The following PBX3 variants were observed in gnomAD, a reference collection of about 807,000 sequenced individuals.
PBX3 encodes the protein pre-B-cell leukemia transcription factor 3.
Under a neutral mutation model 48.5 loss-of-function variants are expected in PBX3, and 14 were observed. That is an observed-to-expected ratio of 0.29 (90% confidence interval 0.19 to 0.45). The LOEUF is 0.45. Among genes scored for constraint, PBX3 ranks in the 20% least tolerant of loss-of-function variants. The pLI, the probability that PBX3 is intolerant of heterozygous loss-of-function variation, is 1.00. For synonymous variants in PBX3, 210 were observed against 200.3 expected, an observed-to-expected ratio of 1.05 and a Z score of -0.41; for missense variants, 386 against 546.7, an observed-to-expected ratio of 0.71 and a Z score of 2.93.
chr9:125,924,625 T>C (rs1841531085), intron 3 of PBX3, among the ~76,000 whole-genome samples: 1 of 152,242 alleles, frequency 6.6e-6, no homozygotes, highest in Admixed American at 6.5e-5. Flanking sequence ...CATGCGTTGA[T>C]AATTTGGAAA....
chr9:125,927,675 T>G (rs1030022369), intron 3 of PBX3, among the ~76,000 whole-genome samples: 1 of 152,214 alleles, frequency 6.6e-6, no homozygotes, highest in Non-Finnish European at 1.5e-5. Context: ...GAGTATAAAC[T>G]GATGCTTTAT....
chr9:125,855,193 A>G (rs1439040687), intron 2 of PBX3, among the ~76,000 whole-genome samples: 1 of 152,224 alleles, frequency 6.6e-6, no homozygotes, highest in Non-Finnish European at 1.5e-5. Context: ...AAACAAAACT[A>G]AGCAGAATGG....
chr9:125,951,286 A>T (rs888236566), intron 5 of PBX3, among the ~76,000 whole-genome samples: 1 of 152,180 alleles, frequency 6.6e-6, no homozygotes, highest in Non-Finnish European at 1.5e-5. Flanking sequence ...GCCGTCAGGT[A>T]CTTGTGCAGA....
intron 2 of PBX3, among the ~76,000 whole-genome samples, chr9:125,832,044 A>T (rs1401398628): frequency 6.6e-6 from 1 of 152,160 alleles, no homozygotes; most frequent in Non-Finnish European, 1.5e-5. Context: ...CACATTGATA[A>T]TTCTAACTCA....
At chr9:125,813,453 C>T (rs966472993) in intron 2 of PBX3, among the ~76,000 whole-genome samples, 37 of 152,284 alleles carry the variant, frequency 2.4e-4, no homozygotes, top group African/African-American at 8.2e-4. Context: ...CAGTGTATAA[C>T]AGTAAATGCA....
At chr9:125,777,929 AC>A (rs1837120587) in intron 2 of PBX3, among the ~76,000 whole-genome samples, 1 of 149,322 alleles carries the variant, frequency 6.7e-6, no homozygotes, top group Non-Finnish European at 1.5e-5. Context: ...GAACGTCTCC[AC>A]TTTCATTTCT....
intron 2 of PBX3, among the ~76,000 whole-genome samples, chr9:125,908,223 C>T (rs527863010): frequency 2.6e-5 from 4 of 152,158 alleles, no homozygotes; most frequent in South Asian, 2.1e-4. Context: ...TCTGGAAGAT[C>T]GGTCTTCCAG....
chr9:125,772,236 C>T lies in PBX3; in HGVS notation c.274+23613C>T, dbSNP rs1836959071. 1.3e-4 allele frequency among the ~76,000 whole-genome samples: 19 copies of T among 150,460 alleles called. No homozygotes were observed. The Admixed American group carries it at 1.3e-3, about 10-fold the overall frequency. ...TAAGGTGATTTTCAACCTTGTTATA[C>T]AAAACAAAAATTTGCTTTTCTTTCC... is the stretch of plus-strand genomic sequence containing the variant. On this transcript the variant is annotated intron_variant, in intron 2 of 8. Transcript: ENST00000373489.
At chr9:125,775,474 G>T (rs570691507) in intron 2 of PBX3, among the ~76,000 whole-genome samples, 2 of 152,244 alleles carry the variant, frequency 1.3e-5, no homozygotes, top group African/African-American at 2.4e-5. Context: ...ATATTCAGTT[G>T]TCCTAGTACC....
intron 2 of PBX3, among the ~76,000 whole-genome samples, chr9:125,833,242 T>G (rs973627922): frequency 1.3e-5 from 2 of 152,020 alleles, no homozygotes; most frequent in African/African-American, 4.8e-5. Context: ...TCCCAGCACT[T>G]TGGGAGGACG....
chr9:125,888,249 T>C (rs1840547504), intron 2 of PBX3, among the ~76,000 whole-genome samples: 1 of 152,204 alleles, frequency 6.6e-6, no homozygotes, highest in Non-Finnish European at 1.5e-5. Context: ...AAAGTAAACC[T>C]TTTGATCGGC....
intron 2 of PBX3, among the ~76,000 whole-genome samples, chr9:125,880,718 T>A (rs1001796898): frequency 6.6e-6 from 1 of 152,214 alleles, no homozygotes; most frequent in Admixed American, 6.5e-5. Context: ...CATTTAAAAA[T>A]CAAACGGTTA....
chr9:125,938,401 G>C (rs1841884453), intron 5 of PBX3, among the ~76,000 whole-genome samples: 1 of 152,156 alleles, frequency 6.6e-6, no homozygotes, highest in Non-Finnish European at 1.5e-5. Context: ...ATTAAATCTA[G>C]AGGAAAATTT....
intron 2 of PBX3, among the ~76,000 whole-genome samples, chr9:125,809,799 CA>C (rs1838234698): frequency 6.6e-6 from 1 of 151,990 alleles, no homozygotes; most frequent in South Asian, 2.1e-4. Flanking sequence ...CAATATAGAT[CA>C]CTGGTCAGGA....
rs140410533 is a variant in PBX3, at chr9:125,790,978, A to T, written c.274+42355A>T. 6.3e-3 allele frequency among the ~76,000 whole-genome samples: 956 copies of T among 151,710 alleles called. 3 individuals are homozygous for T. Among genetic ancestry groups the T allele is most frequent in the Non-Finnish European group, 8.7e-3 (588 of 67,916 alleles). The stretch of plus-strand genomic sequence containing the variant: ...GCCCAGGCTGGAATATAGTGGTGCA[A>T]CCTTGGCTCACTGCAACTTCTGCCT... On this transcript the variant is annotated intron_variant, in intron 2 of 8. Transcript: ENST00000373489.
chr9:125,839,396 A>G (rs979673088), intron 2 of PBX3, among the ~76,000 whole-genome samples: 7 of 152,216 alleles, frequency 4.6e-5, no homozygotes, highest in African/African-American at 9.6e-5. Flanking sequence ...GTTCAGATCT[A>G]TAGATTGAGT....
intron 2 of PBX3, among the ~76,000 whole-genome samples, chr9:125,805,835 G>A (rs60440713): frequency 0.059 from 8,989 of 152,196 alleles, 611 homozygotes; most frequent in East Asian, 0.17. Context: ...TGGTTCATTA[G>A]TTTATTCAAG....
chr9:125,756,681 A>C (rs1385773764), intron 2 of PBX3, among the ~76,000 whole-genome samples: 1 of 152,156 alleles, frequency 6.6e-6, no homozygotes, highest in Non-Finnish European at 1.5e-5. Flanking sequence ...GCATACTACC[A>C]AGGCAGGCAT....
chr9:125,819,855 C>G (rs1367846804), intron 2 of PBX3, among the ~76,000 whole-genome samples: 1 of 152,130 alleles, frequency 6.6e-6, no homozygotes, highest in Non-Finnish European at 1.5e-5. Flanking sequence ...TTGAAAACAA[C>G]TCTGAGCTTT....
Sources: gnomAD v4.1 joint callset for allele counts (sites outside exome capture counted in the v4.1 genomes callset) on GRCh38, gnomAD v4.1.1 for gene constraint, MANE v1.5 for transcripts, NCBI Gene and HGNC (gene_info 2026-07-23, HGNC 2026-07-21) for gene names.